DOCK1: variants seen among roughly 807,000 people sequenced by gnomAD.
DOCK1 encodes dedicator of cytokinesis 1, also known as dedicator of cytokinesis protein 1.
DOCK1 carries 138 observed loss-of-function variants against 262.7 expected under a neutral mutation model. The ratio of observed to expected loss-of-function variants is 0.53; its 90% CI spans 0.46 to 0.61. The LOEUF is 0.61. DOCK1 is among the 20% of genes least tolerant of loss of function. DOCK1 has a pLI of 0.00. For missense variants in DOCK1, 1,908 were observed against 2,370.7 expected (o/e 0.80, Z 4.05); for synonymous variants, 866 against 867.4 (o/e 1.00, Z 0.03).
intron 35 of DOCK1, among the ~76,000 whole-genome samples, chr10:127,377,938 G>A (rs1433088272): frequency 1.3e-5 from 2 of 150,930 alleles, no homozygotes; most frequent in African/African-American, 2.4e-5. Flanking sequence ...AGTAAGAGAC[G>A]CAGCAGTCAC....
intron 29 of DOCK1, among the ~76,000 whole-genome samples, chr10:127,287,989 A>G (rs1292653210): frequency 6.6e-6 from 1 of 152,206 alleles, no homozygotes; most frequent in African/African-American, 2.4e-5. Context: ...TTTTCATAAA[A>G]TAGATGGTAC....
chr10:127,371,032 C>T (rs563654258), intron 33 of DOCK1, among the ~76,000 whole-genome samples: 7 of 152,356 alleles, frequency 4.6e-5, no homozygotes, highest in Admixed American at 1.3e-4. Flanking sequence ...TGTTGCAAAT[C>T]ACCAGACAAT....
At chr10:127,060,359 C>G (rs1239997268) in intron 22 of DOCK1, among the ~76,000 whole-genome samples, 1 of 151,974 alleles carries the variant, frequency 6.6e-6, no homozygotes, top group Non-Finnish European at 1.5e-5. Context: ...TTAAGCAAAC[C>G]CCATTTGAAA....
chr10:126,909,870 G>T (rs576954535), intron 1 of DOCK1, among the ~76,000 whole-genome samples: 1 of 152,174 alleles, frequency 6.6e-6, no homozygotes, highest in African/African-American at 2.4e-5. Flanking sequence ...TTCTGTGTGC[G>T]GTTAACGGGT....
chr10:127,013,711 G>C (rs1226607396), intron 12 of DOCK1: 1 of 152,258 alleles, frequency 6.6e-6, no homozygotes, highest in Non-Finnish European at 1.5e-5. Flanking sequence ...TCAAGTCACA[G>C]TGAAAACTGA....
At chr10:127,126,304 C>A (rs903914259) in intron 26 of DOCK1, among the ~76,000 whole-genome samples, 1 of 152,026 alleles carries the variant, frequency 6.6e-6, no homozygotes, top group Admixed American at 6.5e-5. Flanking sequence ...ACTATGTTGG[C>A]CAGGCTGGTC....
intron 23 of DOCK1, among the ~76,000 whole-genome samples, chr10:127,105,961 C>T (rs1033148001): frequency 5.9e-5 from 9 of 152,002 alleles, no homozygotes; most frequent in African/African-American, 1.9e-4. Flanking sequence ...GGTGGAATTT[C>T]GCCATGTTAC....
chr10:127,241,416 G>A (rs1254883617), intron 27 of DOCK1, among the ~76,000 whole-genome samples: 1 of 151,936 alleles, frequency 6.6e-6, no homozygotes, highest in African/African-American at 2.4e-5. Flanking sequence ...GTTTTTGTTT[G>A]TTTGGGCCTC....
chr10:127,321,963 T>C (rs1389056287), intron 29 of DOCK1, among the ~76,000 whole-genome samples: 1 of 151,882 alleles, frequency 6.6e-6, no homozygotes, highest in Non-Finnish European at 1.5e-5. Flanking sequence ...ATCAGCCAGA[T>C]GTGGTGGCAC....
intron 27 of DOCK1, among the ~76,000 whole-genome samples, chr10:127,192,905 A>G (rs898489583): frequency 9.2e-5 from 14 of 152,214 alleles, no homozygotes; most frequent in African/African-American, 3.4e-4. Flanking sequence ...AACAATGTAC[A>G]TTTTAAATAA....
intron 12 of DOCK1, among the ~76,000 whole-genome samples, chr10:127,014,532 T>C (rs2041715002): frequency 6.6e-6 from 1 of 152,238 alleles, no homozygotes; most frequent in Non-Finnish European, 1.5e-5. Context: ...TATTAAGTGT[T>C]AAGTGTTCCA....
chr10:127,190,966 A>C (rs937292873), intron 27 of DOCK1, among the ~76,000 whole-genome samples: 1 of 152,046 alleles, frequency 6.6e-6, no homozygotes. Flanking sequence ...TGTTTCAAAC[A>C]TCAACAGAGG....
At chr10:126,907,479 C>T (rs966887551) in intron 1 of DOCK1, among the ~76,000 whole-genome samples, 1 of 152,108 alleles carries the variant, frequency 6.6e-6, no homozygotes, top group African/African-American at 2.4e-5. Context: ...TGCCTGAGGT[C>T]ACATCACCAG....
At chr10:127,143,812 C>T (rs1477967222) in intron 27 of DOCK1, among the ~76,000 whole-genome samples, 1 of 152,136 alleles carries the variant, frequency 6.6e-6, no homozygotes, top group Non-Finnish European at 1.5e-5. Context: ...CCTCGCCAGG[C>T]AATAGAAGAA....
intron 40 of DOCK1, among the ~76,000 whole-genome samples, chr10:127,406,277 G>A (rs1187432220): frequency 6.6e-6 from 1 of 152,156 alleles, no homozygotes; most frequent in African/African-American, 2.4e-5. Flanking sequence ...GGCAGTGCCG[G>A]GTGCGGAGGA....
intron 2 of DOCK1, among the ~76,000 whole-genome samples, chr10:126,974,950 A>G (rs1442283362): frequency 6.6e-6 from 1 of 151,956 alleles, no homozygotes; most frequent in Non-Finnish European, 1.5e-5. Flanking sequence ...ATGAACATTA[A>G]ATAAAGACAC....
Position 126,971,829 on chromosome 10 carries a change from CT to C in DOCK1, c.130+1053del, listed in dbSNP as rs1021523869. On this transcript the variant is annotated intron_variant, in intron 2 of 51. Coordinates refer to ENST00000623213, the MANE Select transcript of DOCK1 (RefSeq NM_001290223.2). ...GAGGAACCCCAATTTTCATCCTTTC[CT>C]TTTTTTTTAAACCTGTAATCCCCAT... 2.6e-5 allele frequency among the ~76,000 whole-genome samples: 4 copies of C among 150,982 alleles called. No individual in the cohort carries two copies. In the South Asian group the frequency reaches 6.3e-4, roughly 24 times the overall value.
At chr10:127,040,209 A>G (rs1428112679) in intron 19 of DOCK1, among the ~76,000 whole-genome samples, 2 of 152,348 alleles carry the variant, frequency 1.3e-5, no homozygotes, top group South Asian at 2.1e-4. Context: ...CAAAGAATCT[A>G]CATTCTGAAA....
intron 1 of DOCK1, among the ~76,000 whole-genome samples, chr10:126,921,674 A>T (rs1482127738): frequency 4.6e-5 from 7 of 152,060 alleles, no homozygotes; most frequent in Non-Finnish European, 1.0e-4. Flanking sequence ...TTTATTTGAG[A>T]TGGAGTCTCG....
Sources: allele counts gnomAD v4.1 joint callset (sites outside exome capture counted in the v4.1 genomes callset), GRCh38; gene constraint gnomAD v4.1.1; transcripts MANE v1.5; gene names NCBI Gene and HGNC (gene_info 2026-07-23, HGNC 2026-07-21).